Variants in CTCFL observed in about 807,000 individuals in gnomAD.
CTCFL encodes the protein CCCTC-binding factor like, also known as transcriptional repressor CTCFL.
Under a neutral mutation model 67.4 loss-of-function variants are expected in CTCFL, and 36 were observed. That is an observed-to-expected ratio of 0.53 (90% CI 0.41 to 0.71). The LOEUF is 0.71. CTCFL is among the 30% of genes least tolerant of loss of function. CTCFL has a pLI of 0.00. For missense variants in CTCFL, 786 were observed against 835.2 expected (o/e 0.94, Z 0.73); for synonymous variants, 324 against 302.3 (o/e 1.07, Z -0.75).
chr20:57,516,196 G>A lies in CTCFL; in HGVS notation c.1060-362C>T, dbSNP rs140384002. ...ACAAAATTTAGATTACACTGTAAAA[G>A]CACAAAGGCAAACATTTTTTTTTCC... On this transcript the variant is annotated intron_variant, in intron 5 of 10. Transcript: ENST00000243914. 1.3e-3 allele frequency among the ~76,000 whole-genome samples: 195 copies of A among 145,040 alleles called. 2 individuals carry two copies. In the East Asian group the frequency reaches 0.023, roughly 17 times the overall value.
At chr20:57,518,943 T>C in intron 4 of CTCFL, 52 bp from the exon 5 acceptor site, 1 of 1,547,040 alleles carries the variant, frequency 6.5e-7, no homozygotes, top group Non-Finnish European at 8.7e-7. Context: ...CCAGAAACAT[T>C]CCAAGGAATT....
chr20:57,513,957 G>GT, intron 7 of CTCFL: 2 of 1,198,490 alleles, frequency 1.7e-6, no homozygotes, highest in Non-Finnish European at 2.2e-6. Flanking sequence ...CCCACAGGCA[G>GT]TATCAAATCC....
At position 57,508,672 on chromosome 20, in the gene CTCFL, G is replaced by A. The variant is rs1204403296; in HGVS notation, c.1608C>T (p.Tyr536=). 6.2e-7 allele frequency: 1 copy of A among 1,614,108 alleles called. No homozygotes were observed. Among genetic ancestry groups the A allele is most frequent in the South Asian group, 1.1e-5 (1 of 91,086 alleles). Residue 536 remains tyrosine (Y), a synonymous_variant, in exon 9 of 11, where the codon TAC becomes TAT. Coordinates refer to ENST00000243914, the MANE Select transcript of CTCFL (RefSeq NM_001386993.1). ...KQLLNAHFRK[Y]HDANFIPTVY... ...CAGTCGGGATGAAATTTGCATCGTG[G>A]TATTTCCTGAAGTGAGCGTTTAGAA...
chr20:57,523,074 T>C lies in CTCFL; in HGVS notation c.748A>G (p.Thr250Ala). 2 of 1,613,326 alleles carry C rather than the reference T, an allele frequency of 1.2e-6. No individual in the cohort carries two copies. Among genetic ancestry groups the C allele is most frequent in the South Asian group, 1.1e-5 (1 of 90,994 alleles). Reference sequence around the variant, plus strand: ...ATGAGATGAACTGGCCTACCCTTTGTCTTTCTTTGATTTTTTGTAGATTTG... The same window carrying C: ...ATGAGATGAACTGGCCTACCCTTTGCCTTTCTTTGATTTTTTGTAGATTTG... ...KAKSTKNQRK[T>A]KGAKGTFHCD... Residue 250 changes from threonine (T) to alanine (A), a missense_variant, in exon 3 of 11, where the codon ACA becomes GCA. Thr to Ala is a moderately conservative substitution (Grantham distance 58). Coordinates refer to ENST00000243914, the MANE Select transcript of CTCFL (RefSeq NM_001386993.1).
At chr20:57,514,858 C>G in intron 6 of CTCFL, 117 bp from the exon 7 acceptor site, 1 of 1,035,902 alleles carries the variant, frequency 9.7e-7, no homozygotes, top group Non-Finnish European at 1.4e-6. Context: ...CCCCTTCTCA[C>G]CGGACAACCC....
chr20:57,513,880 A>G lies in CTCFL; in HGVS notation c.1330+712T>C, dbSNP rs745631272. ...AAGGGAGGCCCAGGAATCCTGAAAC[A>G]AAGAAGAGGCTCGTTCACTCACGCT... On this transcript the variant is annotated intron_variant, in intron 7 of 10. Coordinates refer to ENST00000243914, the MANE Select transcript of CTCFL (RefSeq NM_001386993.1). The G allele has an allele frequency of 3.1e-6, 4 of 1,289,062 alleles. No homozygotes were observed. In the South Asian group the frequency reaches 4.9e-5, roughly 16 times the overall value. The allele number at this position is 1,289,062 out of a possible 1,614,324, so 79.9% of individuals were successfully genotyped here.
Position 57,498,283 on chromosome 20 carries a change from CA to C in CTCFL, c.*266del, listed in dbSNP as rs2067756698. On this transcript the variant is annotated 3_prime_UTR_variant, in exon 11 of 11. Coordinates refer to ENST00000243914, the MANE Select transcript of CTCFL (RefSeq NM_001386993.1). ...GTTTAAAACTTTTATAAAATACCTG[CA>C]ATGTTTCTTTGAAATATCCAGCTAC... The C allele has an allele frequency of 9.0e-7, 1 of 1,110,710 alleles. No individual in the cohort carries two copies. Among genetic ancestry groups the C allele is most frequent in the Non-Finnish European group, 1.1e-6 (1 of 910,364 alleles). 68.8% of individuals were successfully genotyped at this position (1,110,710 alleles called of 1,614,324 possible).
At chr20:57,513,594 C>T in intron 7 of CTCFL, 6 of 1,128,648 alleles carry the variant, frequency 5.3e-6, no homozygotes, top group Non-Finnish European at 6.6e-6. Flanking sequence ...TAGCAACTGG[C>T]TAGACTTGTG....
Position 57,519,210 on chromosome 20 carries a change from T to C in CTCFL, c.922A>G (p.Thr308Ala), listed in dbSNP as rs1365409170. ...TLLRNHVNTH[T>A]GTRPYKCNDC... is the part of the protein sequence containing the mutation. ...ACAGCCTTCCCGGCAGTTTTACCTGTGTGGGTGTTAACATGGTTCCGCAGC... is the reference window on the plus strand; with the variant it reads ...ACAGCCTTCCCGGCAGTTTTACCTGCGTGGGTGTTAACATGGTTCCGCAGC... The change falls in exon 4 of 11, where the codon ACA becomes GCA. Residue 308 changes from threonine (T) to alanine (A), a missense_variant. By Grantham distance (58) the Thr-to-Ala change is moderately conservative. This residue lies in a region of CTCFL where 254 missense variants were observed against 333.9 expected (regional missense o/e 0.76). Transcript: ENST00000243914. 6.2e-7 allele frequency: 1 copy of C among 1,613,960 alleles called. No homozygotes were observed. Among genetic ancestry groups the C allele is most frequent in the East Asian group, 2.2e-5 (1 of 44,884 alleles).
chr20:57,496,188 G>A (rs369739422), downstream of CTCFL: 5 of 515,960 alleles, frequency 9.7e-6, no homozygotes, highest in South Asian at 3.0e-5. Context: ...TGACAGTGGC[G>A]GTTCTCAAGG....
rs762505611 is a variant in CTCFL at position 57,523,298 on chromosome 20, C to G, written c.544-20G>C. 9.4e-6 allele frequency: 15 copies of G among 1,596,442 alleles called. No individual in the cohort carries two copies. Among genetic ancestry groups the G allele is most frequent in the Non-Finnish European group, 1.2e-5 (14 of 1,166,282 alleles). ...CTCGAGCTAATAAACAACAAATATT[C>G]AAATATGATACTATTGATTTCAGTA... On this transcript the variant is annotated intron_variant, in intron 2 of 10. Transcript: ENST00000243914.
intron 7 of CTCFL, 59 bp from the exon 8 acceptor site, chr20:57,512,811 C>T (rs543387813): frequency 1.3e-6 from 2 of 1,536,020 alleles, no homozygotes; most frequent in East Asian, 2.3e-5. Flanking sequence ...TAGCCTGCTT[C>T]CCCTCTCCTC....
At chr20:57,519,427 T>A in intron 3 of CTCFL, 50 bp from the exon 4 acceptor site, 2 of 1,519,282 alleles carry the variant, frequency 1.3e-6, no homozygotes, top group Non-Finnish European at 1.8e-6. Flanking sequence ...AAATTCCATT[T>A]AAATACTTGA....
Position 57,512,709 on chromosome 20 carries a change from C to T in CTCFL, c.1374G>A (p.Leu458=). Residue 458 remains leucine (L), a synonymous_variant, in exon 8 of 11, where the codon CTG becomes CTA. Transcript: ENST00000243914. ...AGACAGCAGAACAGTAGCGGCATTTCAGCTCTGCAGCGCTGTAAGCATGCA... is the reference window on the plus strand; with the variant it reads ...AGACAGCAGAACAGTAGCGGCATTTTAGCTCTGCAGCGCTGTAAGCATGCA... ...RNLHAYSAAE[L]KCRYCSAVFH... The T allele has an allele frequency of 6.2e-7, 1 of 1,614,238 alleles. No homozygotes were observed.
chr20:57,524,563 G>A (rs973767523), intron 1 of CTCFL: 1 of 1,057,148 alleles, frequency 9.5e-7, no homozygotes, highest in African/African-American at 1.7e-5. Flanking sequence ...TTAGGCCTGA[G>A]CCGGTTCAGT....
chr20:57,506,690 G>C (rs1027564318), intron 9 of CTCFL: 1 of 538,178 alleles, frequency 1.9e-6, no homozygotes, highest in South Asian at 8.0e-5. Flanking sequence ...GTCCAAATAT[G>C]CTTTCTTGAA....
At chr20:57,504,752 AGGTCATGCCTCGT>A (rs1175430207) in intron 9 of CTCFL, among the ~76,000 whole-genome samples, 1 of 151,868 alleles carries the variant, frequency 6.6e-6, no homozygotes, top group African/African-American at 2.4e-5. Flanking sequence ...GGCCTAGAGG[AGGTCATGCCTCGT>A]GAACCAGAGC....
At chr20:57,518,008 A>G (rs2069055998) in intron 5 of CTCFL, among the ~76,000 whole-genome samples, 1 of 152,176 alleles carries the variant, frequency 6.6e-6, no homozygotes, top group African/African-American at 2.4e-5. Context: ...CTAACCATGA[A>G]ATTTCCCAAT....
intron 10 of CTCFL, 42 bp downstream of exon 10, chr20:57,503,394 A>G: frequency 6.2e-7 from 1 of 1,611,094 alleles, no homozygotes. Context: ...ACAACCAGAA[A>G]ATCACTGAGG....
Sources: allele counts gnomAD v4.1 joint callset (sites outside exome capture counted in the v4.1 genomes callset), GRCh38; gene constraint gnomAD v4.1.1; regional missense constraint gnomAD v4.1.1; transcripts MANE v1.5; gene names NCBI Gene and HGNC (gene_info 2026-07-23, HGNC 2026-07-21).